Variants in CPNE4 observed in about 807,000 individuals in gnomAD.
CPNE4 encodes the protein copine-4.
In CPNE4, 25 loss-of-function variants were observed where a neutral mutation model predicts 67.9. The observed-to-expected ratio is 0.37, with a 90% CI of 0.27 to 0.51. The LOEUF is 0.51. Among genes scored for constraint, CPNE4 ranks in the 20% least tolerant of loss-of-function variants. CPNE4 has a pLI of 0.93. For synonymous variants in CPNE4, 242 were observed against 244.9 expected (o/e 0.99, Z 0.11); for missense variants, 464 against 690.8 (o/e 0.67, Z 3.68).
intron 3 of CPNE4, among the ~76,000 whole-genome samples, chr3:131,713,811 T>C (rs747090313): frequency 4.1e-4 from 63 of 152,178 alleles, no homozygotes; most frequent in Non-Finnish European, 8.4e-4. Flanking sequence ...AAGAATTAAT[T>C]ATATTCTCCC....
intron 10 of CPNE4, among the ~76,000 whole-genome samples, chr3:131,568,062 C>T (rs1181224815): frequency 6.6e-6 from 1 of 151,854 alleles, no homozygotes; most frequent in African/African-American, 2.4e-5. Flanking sequence ...TAAAAATTAA[C>T]TGATGAAAAA....
At chr3:131,774,505 T>A (rs1254080196) in intron 2 of CPNE4, among the ~76,000 whole-genome samples, 1 of 152,088 alleles carries the variant, frequency 6.6e-6, no homozygotes, top group Non-Finnish European at 1.5e-5. Context: ...CACAGTAATA[T>A]TCATAATTTT....
chr3:131,893,858 A>C (rs1341543692), intron 2 of CPNE4, among the ~76,000 whole-genome samples: 1 of 151,954 alleles, frequency 6.6e-6, no homozygotes, highest in Admixed American at 6.6e-5. Flanking sequence ...ATCAAAAAGG[A>C]AGAAAGATTT....
intron 2 of CPNE4, among the ~76,000 whole-genome samples, chr3:131,865,054 C>A (rs545852923): frequency 2.0e-5 from 3 of 152,228 alleles, no homozygotes; most frequent in East Asian, 3.9e-4. Context: ...AGGGATGAAG[C>A]CCACTTGATC....
At chr3:131,763,139 T>C (rs73220477) in intron 2 of CPNE4, among the ~76,000 whole-genome samples, 10,618 of 152,216 alleles carry the variant, frequency 0.07, 455 homozygotes, top group Admixed American at 0.11. Context: ...TCTTTAATTA[T>C]GATAAAGCAG....
chr3:131,892,929 A>T (rs535786064), intron 2 of CPNE4, among the ~76,000 whole-genome samples: 71 of 152,214 alleles, frequency 4.7e-4, no homozygotes, highest in South Asian at 1.0e-3. Context: ...AAAGAATTTT[A>T]AAAAAATCAG....
At chr3:131,571,597 C>T (rs1239134066) in intron 10 of CPNE4, among the ~76,000 whole-genome samples, 1 of 151,990 alleles carries the variant, frequency 6.6e-6, no homozygotes, top group Non-Finnish European at 1.5e-5. Flanking sequence ...AGGCTTAGTG[C>T]TTCTCTTTCC....
intron 2 of CPNE4, among the ~76,000 whole-genome samples, chr3:131,904,520 C>T (rs541896710): frequency 1.2e-4 from 18 of 152,180 alleles, no homozygotes; most frequent in South Asian, 4.1e-4. Flanking sequence ...TATAGATCTA[C>T]GATTTGTCCT....
rs759801506 is a variant in CPNE4 at position 131,583,675 on chromosome 3, C to T, written c.781-2010G>A. On this transcript the variant is annotated intron_variant, in intron 8 of 15. Coordinates refer to ENST00000429747, the MANE Select transcript of CPNE4 (RefSeq NM_130808.3). ...GGCTCCAAGGAAGTTGAATCAAACC[C>T]GTAGATACTTGGGGTCCTTGTACTT... is the stretch of plus-strand genomic sequence containing the variant. Among the ~76,000 whole-genome samples, 14 of 152,166 alleles carry T rather than the reference C, an allele frequency of 9.2e-5. No homozygotes were observed. The South Asian group carries it at 1.0e-3, about 11-fold the overall frequency.
At chr3:131,649,882 C>T (rs936229674) in intron 7 of CPNE4, among the ~76,000 whole-genome samples, 2 of 152,218 alleles carry the variant, frequency 1.3e-5, no homozygotes, top group African/African-American at 4.8e-5. Flanking sequence ...AGTTCAATTA[C>T]ACCGTGGCTG....
chr3:131,844,056 A>G (rs12494402), intron 2 of CPNE4, among the ~76,000 whole-genome samples: 2,187 of 152,222 alleles, frequency 0.014, 68 homozygotes, highest in Admixed American at 0.083. Flanking sequence ...AAAATTAGAA[A>G]GAAGTTTGTC....
intron 10 of CPNE4, among the ~76,000 whole-genome samples, chr3:131,571,862 C>T (rs1937354439): frequency 6.6e-6 from 1 of 151,972 alleles, no homozygotes; most frequent in Non-Finnish European, 1.5e-5. Flanking sequence ...ACTGCTTCCC[C>T]AATACTCCCC....
At chr3:131,769,879 T>C (rs1348847722) in intron 2 of CPNE4, among the ~76,000 whole-genome samples, 6 of 152,120 alleles carry the variant, frequency 3.9e-5, no homozygotes, top group Non-Finnish European at 5.9e-5. Flanking sequence ...TAACTTATTT[T>C]CTCTTATCTA....
At chr3:131,901,867 G>A (rs560133541) in intron 2 of CPNE4, among the ~76,000 whole-genome samples, 1 of 138,918 alleles carries the variant, frequency 7.2e-6, no homozygotes, top group Non-Finnish European at 1.6e-5. Context: ...AATACTCCCT[G>A]ACTTGCAAAA....
At chr3:131,635,081 T>G (rs2079340482) in intron 7 of CPNE4, among the ~76,000 whole-genome samples, 1 of 152,206 alleles carries the variant, frequency 6.6e-6, no homozygotes, top group African/African-American at 2.4e-5. Flanking sequence ...TTTGGAATGC[T>G]TTTCCATGAT....
At chr3:131,770,285 C>T (rs955218310) in intron 2 of CPNE4, among the ~76,000 whole-genome samples, 2 of 152,180 alleles carry the variant, frequency 1.3e-5, no homozygotes, top group Non-Finnish European at 2.9e-5. Context: ...GAGACAGACA[C>T]CCCTTCTGAG....
chr3:131,987,416 G>C, intron 1 of CPNE4, among the ~76,000 whole-genome samples: 1 of 145,672 alleles, frequency 6.9e-6, no homozygotes, highest in Non-Finnish European at 1.5e-5. Flanking sequence ...GACAGAGTTT[G>C]GCTCTTGTCA....
chr3:131,765,786 G>A (rs550809948), intron 2 of CPNE4, among the ~76,000 whole-genome samples: 2 of 152,150 alleles, frequency 1.3e-5, no homozygotes, highest in East Asian at 3.9e-4. Context: ...ACCCTGTGAA[G>A]GATCGCTACA....
At chr3:131,958,277 C>T (rs1314526435) in intron 1 of CPNE4, among the ~76,000 whole-genome samples, 1 of 152,084 alleles carries the variant, frequency 6.6e-6, no homozygotes, top group Non-Finnish European at 1.5e-5. Flanking sequence ...CAGTTCTTGC[C>T]CTTAGTGGAG....
Sources: gnomAD v4.1 joint callset for allele counts (sites outside exome capture counted in the v4.1 genomes callset) on GRCh38, gnomAD v4.1.1 for gene constraint, MANE v1.5 for transcripts, NCBI Gene and HGNC (gene_info 2026-07-23, HGNC 2026-07-21) for gene names.